ABCA12: variants seen among roughly 807,000 people sequenced by gnomAD.
ABCA12 encodes glucosylceramide transporter ABCA12.
In ABCA12, 156 loss-of-function variants were observed where a neutral mutation model predicts 293.5. The ratio of observed to expected loss-of-function variants is 0.53; its 90% CI spans 0.47 to 0.61. The LOEUF (loss-of-function observed/expected upper bound fraction) is 0.61. Among genes scored for constraint, ABCA12 ranks in the 20% least tolerant of loss-of-function variants. ABCA12 has a pLI of 0.00. For synonymous variants in ABCA12, 1,063 were observed against 1,108.0 expected (o/e 0.96, Z 0.81); for missense variants, 2,797 against 3,090.2 (o/e 0.91, Z 2.25).
At chr2:215,030,438 C>CAAAA (rs59050296) in intron 9 of ABCA12, among the ~76,000 whole-genome samples, 40 of 113,648 alleles carry the variant, frequency 3.5e-4, no homozygotes, top group African/African-American at 1.2e-3. Flanking sequence ...ACTAACAATA[C>CAAAA]AAAAAAAAAA....
chr2:215,066,451 G>A (rs1019731298), intron 2 of ABCA12, among the ~76,000 whole-genome samples: 3 of 151,922 alleles, frequency 2.0e-5, no homozygotes, highest in African/African-American at 7.2e-5. Context: ...GAGAGGGAAA[G>A]AAGGAAAAAG....
At chr2:215,124,229 T>C (rs953155035) in intron 1 of ABCA12, among the ~76,000 whole-genome samples, 4 of 152,346 alleles carry the variant, frequency 2.6e-5, no homozygotes, top group East Asian at 3.9e-4. Flanking sequence ...GCTATAAACA[T>C]GTGTGCAAGT....
At chr2:215,042,550 TGTAA>T (rs1701120532) in intron 7 of ABCA12, among the ~76,000 whole-genome samples, 2 of 152,136 alleles carry the variant, frequency 1.3e-5, no homozygotes, top group South Asian at 2.1e-4. Context: ...CTCAGCCTCT[TGTAA>T]GTTTTATTTT....
chr2:214,970,146 T>G lies in ABCA12; in HGVS notation c.5690+127A>C, dbSNP rs530866635. On this transcript the variant is annotated intron_variant, in intron 37 of 52. Transcript: ENST00000272895. ...TTACATTTCAATATATAAGGCTGTT[T>G]AAATAAAACTGAGAATTTAACCATG... The G allele has an allele frequency of 2.5e-4, 246 of 980,108 alleles. 1 individual carries two copies. The highest frequency in any genetic ancestry group is 3.9e-4 in the South Asian group (20 of 50,734). The allele number at this position is 980,108 out of a possible 1,614,324, so 60.7% of individuals were successfully genotyped here.
At chr2:214,952,630 A>G (rs940809367) in intron 44 of ABCA12, among the ~76,000 whole-genome samples, 2 of 152,058 alleles carry the variant, frequency 1.3e-5, no homozygotes, top group Non-Finnish European at 2.9e-5. Context: ...TTCCATTCCA[A>G]TCTGCACTCC....
chr2:214,976,742 T>A (rs1283806514), intron 33 of ABCA12, among the ~76,000 whole-genome samples: 2 of 152,174 alleles, frequency 1.3e-5, no homozygotes, highest in African/African-American at 4.8e-5. Flanking sequence ...ACCATCCCCA[T>A]ACTTTGAAAT....
chr2:215,124,143 C>A (rs1289136040), intron 1 of ABCA12, among the ~76,000 whole-genome samples: 1 of 152,094 alleles, frequency 6.6e-6, no homozygotes, highest in East Asian at 1.9e-4. Flanking sequence ...CATATATATT[C>A]CACAGTTTTT....
intron 2 of ABCA12, among the ~76,000 whole-genome samples, chr2:215,071,243 A>T (rs1701732244): frequency 7.0e-6 from 1 of 143,520 alleles, no homozygotes; most frequent in Non-Finnish European, 1.5e-5. Context: ...AATAAAATAA[A>T]ATAAAATAAA....
chr2:215,078,406 G>T (rs140233352), intron 2 of ABCA12, among the ~76,000 whole-genome samples: 6 of 152,100 alleles, frequency 3.9e-5, no homozygotes, highest in African/African-American at 1.4e-4. Flanking sequence ...CTGATCTAAT[G>T]GTTTCATATG....
chr2:214,932,861 T>C (rs1698104473), intron 52 of ABCA12, 120 bp from the exon 53 acceptor site: 1 of 734,418 alleles, frequency 1.4e-6, no homozygotes, highest in Non-Finnish European at 2.4e-6. Context: ...TATATGTGTA[T>C]GCAGGCCCCT....
chr2:215,000,684 G>T (rs372451790), intron 22 of ABCA12, 21 bp downstream of exon 22: 9 of 1,612,956 alleles, frequency 5.6e-6, no homozygotes, highest in Middle Eastern at 1.6e-4. Context: ...CATTAAAAAG[G>T]CTGGAAGTGC....
At position 214,932,706 on chromosome 2, in the gene ABCA12, A is replaced by G. The variant is rs751476977; in HGVS notation, c.7716T>C (p.Tyr2572=). Residue 2572 remains tyrosine, a synonymous_variant, in exon 53 of 53, where the codon TAT becomes TAC. Transcript: ENST00000272895. ...FINFAKDQKS[Y]ETADTSSQGS... The stretch of plus-strand genomic sequence containing the variant: ...CTTGGCTGCTGGTATCAGCAGTTTC[A>G]TAGGACTTCTGGTCTTTGGCAAAGT... The G allele has an allele frequency of 6.2e-7, 1 of 1,613,652 alleles. No homozygotes were observed. The highest frequency in any genetic ancestry group is 8.5e-7 in the Non-Finnish European group (1 of 1,179,748).
chr2:214,962,707 A>G (rs1379586119), intron 39 of ABCA12: 1 of 152,202 alleles, frequency 6.6e-6, no homozygotes, highest in Non-Finnish European at 1.5e-5. Flanking sequence ...AACTGAAATC[A>G]TAACAAACAG....
intron 31 of ABCA12, among the ~76,000 whole-genome samples, 171 bp downstream of exon 31, chr2:214,980,312 T>C (rs1406115166): frequency 6.6e-6 from 1 of 152,174 alleles, no homozygotes; most frequent in African/African-American, 2.4e-5. Flanking sequence ...GCCAGAACTC[T>C]GGGTTTTAGT....
chr2:215,075,471 C>A (rs1176311396), intron 2 of ABCA12: 2 of 661,182 alleles, frequency 3.0e-6, no homozygotes, highest in African/African-American at 1.8e-5. Context: ...GAGCGAGAGT[C>A]AAAAAGCATC....
At chr2:214,969,635 A>G (rs1699342388) in intron 37 of ABCA12, among the ~76,000 whole-genome samples, 1 of 152,136 alleles carries the variant, frequency 6.6e-6, no homozygotes. Flanking sequence ...GATATACACC[A>G]AAATATCAAT....
chr2:215,126,365 A>G (rs1441213855), intron 1 of ABCA12, among the ~76,000 whole-genome samples: 1 of 152,126 alleles, frequency 6.6e-6, no homozygotes, highest in Non-Finnish European at 1.5e-5. Context: ...AATAGTTTCA[A>G]AAGGATTGGT....
intron 8 of ABCA12, chr2:215,032,148 G>T (rs991152553): frequency 1.5e-6 from 2 of 1,332,520 alleles, no homozygotes; most frequent in Non-Finnish European, 1.9e-6. Flanking sequence ...CAAGTTCTTT[G>T]TCTGTGCATC....
chr2:215,011,681 C>T (rs745427431), intron 16 of ABCA12, 32 bp from the exon 17 acceptor site: 2 of 1,597,006 alleles, frequency 1.3e-6, no homozygotes, highest in East Asian at 2.2e-5. Context: ...TTTATTGACA[C>T]TATATGAGCT....
Sources: gnomAD v4.1 joint callset for allele counts (sites outside exome capture counted in the v4.1 genomes callset) on GRCh38, gnomAD v4.1.1 for gene constraint, MANE v1.5 for transcripts, NCBI Gene and HGNC (gene_info 2026-07-23, HGNC 2026-07-21) for gene names.